FHL5: variants seen among roughly 807,000 people sequenced by gnomAD.
FHL5 encodes the protein four and a half LIM domains 5.
A neutral mutation model predicts 32.0 loss-of-function variants in FHL5; 33 were observed. The ratio of observed to expected loss-of-function variants is 1.03; its 90% CI spans 0.78 to 1.38. The LOEUF (loss-of-function observed/expected upper bound fraction) is 1.38, where lower values mean the gene tolerates loss of function less well. Ranked by LOEUF, FHL5 falls within the 40% of genes most tolerant of loss-of-function variation. The pLI, the probability that FHL5 is intolerant of heterozygous loss-of-function variation, is 0.00. For synonymous variants in FHL5, 114 were observed against 113.6 expected (o/e 1.00, Z -0.02); for missense variants, 336 against 343.9 (o/e 0.98, Z 0.18).
chr6:96,567,608 T>C (rs1263407616), intron 1 of FHL5, among the ~76,000 whole-genome samples: 2 of 151,912 alleles, frequency 1.3e-5, no homozygotes, highest in Non-Finnish European at 2.9e-5. Context: ...TATTAATGTC[T>C]ACAATTCATG....
At chr6:96,568,529 G>C (rs1770409624) in intron 1 of FHL5, among the ~76,000 whole-genome samples, 1 of 151,884 alleles carries the variant, frequency 6.6e-6, no homozygotes, top group South Asian at 2.1e-4. Context: ...AGAATTTGAG[G>C]AGAATTTGTA....
chr6:96,610,942 A>G (rs544117535), intron 5 of FHL5, among the ~76,000 whole-genome samples, 184 bp downstream of exon 5: 1 of 152,350 alleles, frequency 6.6e-6, no homozygotes, highest in African/African-American at 2.4e-5. Flanking sequence ...CAAGGAAAGT[A>G]CAAGAGTATA....
At chr6:96,592,713 T>G (rs933289821) in intron 1 of FHL5, among the ~76,000 whole-genome samples, 1 of 152,210 alleles carries the variant, frequency 6.6e-6, no homozygotes, top group Non-Finnish European at 1.5e-5. Context: ...TTTGGGGATC[T>G]AATAAATGTC....
rs768019676 is a variant in FHL5 at position 96,604,752 on chromosome 6, T to C, written c.162T>C (p.Asp54=). The C allele has an allele frequency of 6.2e-7, 1 of 1,604,970 alleles. No individual in the cohort carries two copies. The highest frequency in any genetic ancestry group is 8.5e-7 in the Non-Finnish European group (1 of 1,176,486). ...CKKPIESDSK[D]LCYKDRHWHE... Reference sequence around the variant, plus strand: ...AACTTTTATTTACTGTCTCAAAGGATCTTTGTTACAAAGACCGGCACTGGC... The same window carrying C: ...AACTTTTATTTACTGTCTCAAAGGACCTTTGTTACAAAGACCGGCACTGGC... Residue 54 remains aspartate, a splice_region_variant and synonymous_variant, in exon 3 of 6, where the codon GAT becomes GAC. Transcript: ENST00000450218.
At chr6:96,575,385 C>T (rs78111864) in intron 1 of FHL5, among the ~76,000 whole-genome samples, 5,481 of 152,212 alleles carry the variant, frequency 0.036, 134 homozygotes, top group South Asian at 0.1. Context: ...ATTGTTAATG[C>T]GGGAGTAGAA....
intron 1 of FHL5, among the ~76,000 whole-genome samples, chr6:96,599,248 T>C (rs1771099678): frequency 1.4e-5 from 2 of 144,804 alleles, no homozygotes; most frequent in South Asian, 4.4e-4. Context: ...CAGACTAGAG[T>C]GCAATGGTGC....
chr6:96,594,067 T>C (rs1260263368), intron 1 of FHL5, among the ~76,000 whole-genome samples: 4 of 151,502 alleles, frequency 2.6e-5, no homozygotes, highest in African/African-American at 9.7e-5. Context: ...TCTTATCCAT[T>C]GAATTCTCTA....
chr6:96,574,035 T>TA (rs556457701), intron 1 of FHL5, among the ~76,000 whole-genome samples: 24 of 150,146 alleles, frequency 1.6e-4, no homozygotes, highest in Admixed American at 4.0e-4. Context: ...TGTTTCTACT[T>TA]AAAAAAAAAA....
intron 1 of FHL5, among the ~76,000 whole-genome samples, chr6:96,591,338 T>C (rs1466512979): frequency 2.6e-5 from 4 of 152,190 alleles, no homozygotes; most frequent in African/African-American, 4.8e-5. Context: ...CTAAATTTTC[T>C]AATTCTTTGA....
At chr6:96,583,627 A>G (rs116120809) in intron 1 of FHL5, among the ~76,000 whole-genome samples, 235 of 152,220 alleles carry the variant, frequency 1.5e-3, no homozygotes, top group African/African-American at 4.9e-3. Context: ...TTTAGAGAAA[A>G]GCCCTTTAAT....
chr6:96,605,956 G>A lies in FHL5; in HGVS notation c.389G>A (p.Cys130Tyr), dbSNP rs1771267072. The change falls in exon 4 of 6, where the codon TGT becomes TAT. Residue 130 changes from cysteine (C) to tyrosine (Y), a missense_variant. Coordinates refer to ENST00000450218, the MANE Select transcript of FHL5 (RefSeq NM_001322466.2). ...GNYWHETCFV[C>Y]ENCRQPIGTK... The stretch of plus-strand genomic sequence containing the variant: ...TACTGGCATGAAACCTGTTTTGTGT[G>A]TGAGAATTGCCGACAACCTATAGGG... 1 of 1,614,116 alleles carries A rather than the reference G, an allele frequency of 6.2e-7. No homozygotes were observed. Among genetic ancestry groups the A allele is most frequent in the Non-Finnish European group, 8.5e-7 (1 of 1,179,982 alleles).
At chr6:96,562,598 G>C (rs1419171168), upstream of FHL5, 1 of 152,294 alleles carries the variant, frequency 6.6e-6, no homozygotes, top group Non-Finnish European at 1.5e-5. Context: ...AGTCCAGAGA[G>C]CAGGGAACTA....
intron 1 of FHL5, among the ~76,000 whole-genome samples, chr6:96,602,422 G>GTT (rs1562062430): frequency 3.8e-5 from 1 of 26,604 alleles, no homozygotes; most frequent in African/African-American, 1.1e-4. Flanking sequence ...TATATGCGTT[G>GTT]TTTCTTTTTT....
intron 5 of FHL5, among the ~76,000 whole-genome samples, chr6:96,612,095 T>A (rs1447956143): frequency 6.6e-6 from 1 of 152,202 alleles, no homozygotes; most frequent in Non-Finnish European, 1.5e-5. Flanking sequence ...CCTGTCTGCA[T>A]CACTCAGCTA....
intron 1 of FHL5, among the ~76,000 whole-genome samples, chr6:96,601,488 G>C (rs1003397815): frequency 6.6e-6 from 1 of 152,098 alleles, no homozygotes; most frequent in East Asian, 1.9e-4. Context: ...ATAAGTTACA[G>C]GTATTTTGAT....
intron 1 of FHL5, among the ~76,000 whole-genome samples, chr6:96,578,714 C>A (rs578262086): frequency 1.3e-5 from 2 of 152,002 alleles, no homozygotes; most frequent in Non-Finnish European, 2.9e-5. Flanking sequence ...TAGTGGCATG[C>A]GCCTGTAGTC....
At chr6:96,586,809 T>G (rs576030181) in intron 1 of FHL5, among the ~76,000 whole-genome samples, 1 of 152,048 alleles carries the variant, frequency 6.6e-6, no homozygotes, top group Non-Finnish European at 1.5e-5. Flanking sequence ...AAAAATAAGA[T>G]GAGCAAACTT....
At chr6:96,564,590 A>G (rs890525895) in intron 1 of FHL5, among the ~76,000 whole-genome samples, 1 of 152,208 alleles carries the variant, frequency 6.6e-6, no homozygotes, top group African/African-American at 2.4e-5. Context: ...TGTTTCTTAC[A>G]TAAGACTGGG....
At chr6:96,612,120 C>G (rs995100949) in intron 5 of FHL5, among the ~76,000 whole-genome samples, 1 of 152,164 alleles carries the variant, frequency 6.6e-6, no homozygotes, top group Non-Finnish European at 1.5e-5. Context: ...ACCTCCCTGG[C>G]CCTTGCAAGA....
Sources: gnomAD v4.1 joint callset for allele counts (sites outside exome capture counted in the v4.1 genomes callset) on GRCh38, gnomAD v4.1.1 for gene constraint, MANE v1.5 for transcripts, NCBI Gene and HGNC (gene_info 2026-07-23, HGNC 2026-07-21) for gene names.